The following MCF2L variants were observed in gnomAD, a reference collection of about 807,000 sequenced individuals.
MCF2L encodes the protein guanine nucleotide exchange factor DBS.
MCF2L carries 97 observed loss-of-function variants against 153.4 expected under a neutral mutation model. The ratio of observed to expected loss-of-function variants is 0.63; its 90% CI spans 0.54 to 0.75. The LOEUF (loss-of-function observed/expected upper bound fraction) is 0.75, where lower values mean the gene tolerates loss of function less well. MCF2L is among the 30% of genes least tolerant of loss of function. The pLI, the probability that MCF2L is intolerant of heterozygous loss-of-function variation, is 0.00. For missense variants in MCF2L, 1,347 were observed against 1,495.2 expected, an observed-to-expected ratio of 0.90 and a Z score of 1.64; for synonymous variants, 659 against 632.2, an observed-to-expected ratio of 1.04 and a Z score of -0.64.
rs577265007 is a variant in MCF2L at position 112,917,692 on chromosome 13, C to T, written c.169+15321C>T. On this transcript the variant is annotated intron_variant, in intron 2 of 29. Coordinates refer to the MCF2L transcript ENST00000375608. Reference sequence around the variant, plus strand: ...GTTCCCCCTGATGTTCTTTCAGGCCCTCCTTGGTGTCTTCCTGTTCAGCTC... The same window carrying T: ...GTTCCCCCTGATGTTCTTTCAGGCCTTCCTTGGTGTCTTCCTGTTCAGCTC... Among the ~76,000 whole-genome samples the T allele has an allele frequency of 2.2e-4, 33 of 152,394 alleles. 1 individual carries two copies. The South Asian group carries it at 6.6e-3, about 31-fold the overall frequency.
rs759218353 is a variant in MCF2L at position 113,053,180 on chromosome 13, G to A, written c.370-7413G>A. Among the ~76,000 whole-genome samples the A allele has an allele frequency of 6.6e-6, 1 of 152,176 alleles. No individual in the cohort carries two copies. Among genetic ancestry groups the A allele is most frequent in the Non-Finnish European group, 1.5e-5 (1 of 68,038 alleles). On this transcript the variant is annotated intron_variant, in intron 4 of 29. Coordinates refer to ENST00000535094, the MANE Select transcript of MCF2L (RefSeq NM_001112732.3). The surrounding 1 kb of genome is among the most constrained non-coding windows in gnomAD (Gnocchi z 4.4). ...ATCGCGGCCACACTGCCCTCTGGAT[G>A]CCCACACATGGGGCTTTCTCCACGT... is the stretch of plus-strand genomic sequence containing the variant.
intron 29 of MCF2L, 24 bp from the exon 30 acceptor site, chr13:113,096,750 C>G (rs776885636): frequency 1.9e-6 from 3 of 1,559,824 alleles, no homozygotes; most frequent in South Asian, 2.3e-5. Context: ...CGCCGAAGCC[C>G]GTCCCCGCCT....
At chr13:113,001,687 T>G in intron 1 of MCF2L, 1 of 1,344,530 alleles carries the variant, frequency 7.4e-7, no homozygotes, top group Non-Finnish European at 9.5e-7. Context: ...TGCAGCAGGA[T>G]AAGTGAGCCG....
chr13:112,965,118 A>T (rs1263314921), upstream of MCF2L: 1 of 152,604 alleles, frequency 6.6e-6, no homozygotes, highest in Non-Finnish European at 1.5e-5. Context: ...CCATAAAAAA[A>T]GTCAGAAGTC....
chr13:113,081,064 G>A (rs1285807186), intron 15 of MCF2L, 149 bp from the exon 16 acceptor site: 1 of 598,074 alleles, frequency 1.7e-6, no homozygotes, highest in Non-Finnish European at 2.8e-6. Flanking sequence ...GAACCCCGAG[G>A]AGCGTCCAGC....
At chr13:112,934,226 C>G (rs1002907255) in intron 2 of MCF2L, among the ~76,000 whole-genome samples, 1 of 152,228 alleles carries the variant, frequency 6.6e-6, no homozygotes, top group Non-Finnish European at 1.5e-5. Context: ...ATGCAGCATG[C>G]CCCTGAGGGC....
At chr13:112,920,233 G>T (rs568267564) in intron 2 of MCF2L, among the ~76,000 whole-genome samples, 1 of 152,198 alleles carries the variant, frequency 6.6e-6, no homozygotes, top group East Asian at 1.9e-4. Context: ...GGGAGGAGGC[G>T]TGTGTCTGTA....
intron 18 of MCF2L, 140 bp from the exon 19 acceptor site, chr13:113,084,752 G>C (rs958957457): frequency 1.6e-5 from 11 of 701,534 alleles, no homozygotes; most frequent in Non-Finnish European, 1.5e-5. Context: ...TATGGGGCCA[G>C]CAGCAATGCC....
chr13:112,930,897 A>G (rs1440909047), intron 2 of MCF2L, among the ~76,000 whole-genome samples: 1 of 152,188 alleles, frequency 6.6e-6, no homozygotes, highest in Non-Finnish European at 1.5e-5. Flanking sequence ...AGATCACGCC[A>G]TTGCACTCCA....
In MCF2L at chr13:112,924,882, G is replaced by A. The variant is rs1484204958; in HGVS notation, c.169+22511G>A. On this transcript the variant is annotated intron_variant, in intron 2 of 29. Transcript: ENST00000375608. ...GGTGTGGATCCTGGCATAAGAACAA[G>A]GACAGGTGAATGGAACAGAATAAAA... Among the ~76,000 whole-genome samples the A allele has an allele frequency of 4.0e-5, 6 of 151,826 alleles. No individual in the cohort carries two copies. The East Asian group carries it at 1.2e-3, about 29-fold the overall frequency.
In MCF2L at chr13:112,932,683, CGT is replaced by C. The variant is rs1472191484; in HGVS notation, c.169+30313_169+30314del. On this transcript the variant is annotated intron_variant, in intron 2 of 29. Coordinates refer to the MCF2L transcript ENST00000375608. The surrounding 1 kb of genome is among the most constrained non-coding windows in gnomAD (Gnocchi z 4.6). The stretch of plus-strand genomic sequence containing the variant: ...ACTTAAAAAAGAAGCATCTCAGTAC[CGT>C]CAGTGGGCCTGTGTGGCCCCTCATA... 6.6e-6 allele frequency among the ~76,000 whole-genome samples: 1 copy of C among 152,100 alleles called. No homozygotes were observed. Among genetic ancestry groups the C allele is most frequent in the Non-Finnish European group, 1.5e-5 (1 of 68,034 alleles).
chr13:112,969,914 T>A lies in MCF2L; in HGVS notation c.79+456T>A, dbSNP rs2081982073. Among the ~76,000 whole-genome samples the A allele has an allele frequency of 6.6e-6, 1 of 152,246 alleles. No homozygotes were observed. Among genetic ancestry groups the A allele is most frequent in the Non-Finnish European group, 1.5e-5 (1 of 68,046 alleles). On this transcript the variant is annotated intron_variant, in intron 1 of 29. Transcript: ENST00000535094. This position sits in a 1 kb window ranked among gnomAD's most constrained non-coding sequence, Gnocchi z 4.8. ...TGGACTAATCAGGTGGTTCTTTTCT[T>A]CATTAAATGCAATTTAAACCTAAGA...
chr13:113,055,266 C>T (rs1172176335), intron 4 of MCF2L, among the ~76,000 whole-genome samples: 1 of 151,666 alleles, frequency 6.6e-6, no homozygotes, highest in South Asian at 2.1e-4. Context: ...AAGAGGGGGT[C>T]ATGTTTGATG....
chr13:112,964,347 T>C (rs760943182), upstream of MCF2L, among the ~76,000 whole-genome samples: 2 of 152,192 alleles, frequency 1.3e-5, no homozygotes, highest in African/African-American at 2.4e-5. Flanking sequence ...AACAAACCCA[T>C]CCTAGCAATA....
chr13:113,020,205 A>G (rs1050198548), intron 2 of MCF2L, among the ~76,000 whole-genome samples: 2 of 152,204 alleles, frequency 1.3e-5, no homozygotes, highest in Non-Finnish European at 2.9e-5. Context: ...GTCATAGTAA[A>G]TTAACCACTG....
At chr13:113,036,461 G>A (rs752683375) in intron 3 of MCF2L, among the ~76,000 whole-genome samples, 37 of 152,218 alleles carry the variant, frequency 2.4e-4, no homozygotes, top group Non-Finnish European at 3.4e-4. Context: ...CGAGCTTTGC[G>A]TGAGATGCCA....
At chr13:112,916,042 C>CAAAA (rs68161667) in intron 2 of MCF2L, among the ~76,000 whole-genome samples, 103 of 130,588 alleles carry the variant, frequency 7.9e-4, no homozygotes, top group African/African-American at 2.8e-3. Context: ...ACTAAAAATA[C>CAAAA]AAAAAAAAAA....
intron 15 of MCF2L, among the ~76,000 whole-genome samples, chr13:113,079,590 T>G (rs1173267082): frequency 6.6e-6 from 1 of 152,204 alleles, no homozygotes; most frequent in Non-Finnish European, 1.5e-5. Context: ...AGCGCCAGTG[T>G]GACCCTGCAG....
At chr13:112,964,109 G>T (rs2081865013) in intron 2 of MCF2L, among the ~76,000 whole-genome samples, 4 of 17,740 alleles carry the variant, frequency 2.3e-4, no homozygotes, top group Non-Finnish European at 3.6e-4. Flanking sequence ...TGCAGGGGGC[G>T]GGGGGGCGGG....
Sources: allele counts gnomAD v4.1 joint callset (sites outside exome capture counted in the v4.1 genomes callset), GRCh38; gene constraint gnomAD v4.1.1; non-coding constraint Gnocchi (gnomAD v3.1); transcripts MANE v1.5; gene names NCBI Gene and HGNC (gene_info 2026-07-23, HGNC 2026-07-21).